The following EEPD1 variants were observed in gnomAD, a reference collection of about 807,000 sequenced individuals.
EEPD1 encodes the protein endonuclease/exonuclease/phosphatase family domain containing 1.
A neutral mutation model predicts 46.3 loss-of-function variants in EEPD1; 17 were observed. The observed-to-expected ratio is 0.37, with a 90% CI of 0.25 to 0.55. The LOEUF is 0.55. Among genes scored for constraint, EEPD1 ranks in the 20% least tolerant of loss-of-function variants. EEPD1 has a pLI of 0.83. For synonymous variants in EEPD1, 313 were observed against 315.6 expected (o/e 0.99, Z 0.09); for missense variants, 673 against 745.6 (o/e 0.90, Z 1.13).
At chr7:36,224,127 G>C (rs1252734186) in intron 2 of EEPD1, among the ~76,000 whole-genome samples, 3 of 152,152 alleles carry the variant, frequency 2.0e-5, no homozygotes, top group African/African-American at 4.8e-5. Flanking sequence ...AAATGTTTCA[G>C]CTTTTTAAAA....
intron 4 of EEPD1, 86 bp from the exon 5 acceptor site, chr7:36,284,598 CCT>C: frequency 1.3e-6 from 2 of 1,490,516 alleles, no homozygotes; most frequent in Non-Finnish European, 1.8e-6. Flanking sequence ...GGGCCTACTG[CCT>C]CTCGGTCTCT....
intron 7 of EEPD1, among the ~76,000 whole-genome samples, chr7:36,297,487 A>G (rs1471475027): frequency 1.3e-5 from 2 of 152,178 alleles, no homozygotes; most frequent in Non-Finnish European, 2.9e-5. Context: ...TCAAAGTGAA[A>G]GGGAGTGTGA....
chr7:36,287,542 A>T, intron 5 of EEPD1, 97 bp from the exon 6 acceptor site: 1 of 1,501,806 alleles, frequency 6.7e-7, no homozygotes, highest in Non-Finnish European at 8.9e-7. Flanking sequence ...TACCATTGTC[A>T]ACTCTGTGCA....
At chr7:36,280,749 A>G (rs1787248189) in intron 3 of EEPD1, among the ~76,000 whole-genome samples, 1 of 152,164 alleles carries the variant, frequency 6.6e-6, no homozygotes, top group Non-Finnish European at 1.5e-5. Flanking sequence ...TTTGGATTTG[A>G]CGCTGATCCA....
intron 2 of EEPD1, among the ~76,000 whole-genome samples, chr7:36,201,113 A>G (rs932015068): frequency 1.3e-5 from 2 of 152,158 alleles, no homozygotes; most frequent in African/African-American, 4.8e-5. Context: ...AACACGCCAA[A>G]TCTGAGAGGC....
intron 2 of EEPD1, among the ~76,000 whole-genome samples, chr7:36,233,908 TTTG>T (rs1440694315): frequency 6.6e-6 from 1 of 152,096 alleles, no homozygotes; most frequent in African/African-American, 2.4e-5. Context: ...TGGTGGGTTT[TTTG>T]TTTTTTGTTT....
rs574088772 is a variant in EEPD1, at chr7:36,194,966, G to A, written c.878+39764G>A. ...CCAAAATCTTTCTCTTTGCAACTGCGAAATCCTTCCTAATGCCCCAGACAG... is the reference window on the plus strand; with the variant it reads ...CCAAAATCTTTCTCTTTGCAACTGCAAAATCCTTCCTAATGCCCCAGACAG... On this transcript the variant is annotated intron_variant, in intron 2 of 7. Coordinates refer to ENST00000242108, the MANE Select transcript of EEPD1 (RefSeq NM_030636.3). Among the ~76,000 whole-genome samples, 17 of 152,240 alleles carry A rather than the reference G, an allele frequency of 1.1e-4. No individual in the cohort carries two copies. The South Asian group carries it at 3.3e-3, about 30-fold the overall frequency.
Position 36,154,058 on chromosome 7 carries a change from C to CT in EEPD1, c.-192-74dup. The CT allele has an allele frequency of 2.0e-6, 1 of 511,816 alleles. No homozygotes were observed. The highest frequency in any genetic ancestry group is 3.5e-6 in the Non-Finnish European group (1 of 286,836). The allele number at this position is 511,816 out of a possible 1,614,324, so 31.7% of individuals were successfully genotyped here. A position where few individuals can be genotyped will look rare whatever the true frequency, so the allele number is the denominator to read the frequency against. ...AGTCCCCGACTCCTGGTTACTAACT[C>CT]TAGCACTAGGTAGGGGGTGCTAATG... On this transcript the variant is annotated intron_variant, in intron 1 of 7. Coordinates refer to ENST00000242108, the MANE Select transcript of EEPD1 (RefSeq NM_030636.3). The surrounding 1 kb of genome is among the most constrained non-coding windows in gnomAD (Gnocchi z 4.2).
chr7:36,220,049 C>T (rs1786117328), intron 2 of EEPD1, among the ~76,000 whole-genome samples: 1 of 151,968 alleles, frequency 6.6e-6, no homozygotes, highest in African/African-American at 2.4e-5. Flanking sequence ...AGCTAGAGTC[C>T]CCTCTGCTAC....
At chr7:36,169,445 A>G (rs1785041724) in intron 2 of EEPD1, among the ~76,000 whole-genome samples, 1 of 152,154 alleles carries the variant, frequency 6.6e-6, no homozygotes, top group African/African-American at 2.4e-5. Flanking sequence ...GTGAAGTGGT[A>G]TCTTGTTGGG....
chr7:36,202,912 G>A (rs1785739249), intron 2 of EEPD1, among the ~76,000 whole-genome samples: 1 of 152,172 alleles, frequency 6.6e-6, no homozygotes, highest in Non-Finnish European at 1.5e-5. Flanking sequence ...GCTCCTGCCT[G>A]GCATCTGAAG....
chr7:36,238,707 G>A (rs1456547489), intron 2 of EEPD1, among the ~76,000 whole-genome samples: 1 of 152,186 alleles, frequency 6.6e-6, no homozygotes, highest in African/African-American at 2.4e-5. Context: ...ACATTGGTGT[G>A]CAATTACCTA....
chr7:36,244,789 TG>T (rs368534258), intron 3 of EEPD1, among the ~76,000 whole-genome samples: 46,925 of 112,878 alleles, frequency 0.42, 9,226 homozygotes, highest in Non-Finnish European at 0.45. Context: ...TTTTTTTTTT[TG>T]GAGACGGAGT....
At chr7:36,239,762 C>T (rs1008372211) in intron 3 of EEPD1, among the ~76,000 whole-genome samples, 2 of 152,050 alleles carry the variant, frequency 1.3e-5, no homozygotes, top group Admixed American at 1.3e-4. Context: ...TGGGTGGGCA[C>T]CAAGGAAGCC....
chr7:36,196,472 G>C (rs1785588818), intron 2 of EEPD1, among the ~76,000 whole-genome samples: 1 of 152,118 alleles, frequency 6.6e-6, no homozygotes, highest in South Asian at 2.1e-4. Context: ...GCCAAAGCTG[G>C]ACTGTACTGC....
At chr7:36,284,012 G>A (rs1787301611) in intron 4 of EEPD1, among the ~76,000 whole-genome samples, 1 of 152,208 alleles carries the variant, frequency 6.6e-6, no homozygotes, top group Admixed American at 6.5e-5. Context: ...CGCAAAGCAG[G>A]CATATTCAGA....
chr7:36,203,640 C>CCCAGA (rs1216585628), intron 2 of EEPD1, among the ~76,000 whole-genome samples: 1 of 152,124 alleles, frequency 6.6e-6, no homozygotes, highest in African/African-American at 2.4e-5. Flanking sequence ...AAAAATAGAC[C>CCCAGA]CCAGACCCTT....
intron 3 of EEPD1, among the ~76,000 whole-genome samples, chr7:36,249,275 A>G (rs2115806148): frequency 1.3e-5 from 2 of 152,190 alleles, no homozygotes; most frequent in South Asian, 4.2e-4. Flanking sequence ...GTAATGGTGA[A>G]GTTGTGTTGA....
At chr7:36,214,236 A>G (rs1435795863) in intron 2 of EEPD1, among the ~76,000 whole-genome samples, 1 of 152,220 alleles carries the variant, frequency 6.6e-6, no homozygotes, top group Non-Finnish European at 1.5e-5. Flanking sequence ...TGGGCAGGAC[A>G]GCAAAGAGGA....
Sources: gnomAD v4.1 joint callset for allele counts (sites outside exome capture counted in the v4.1 genomes callset) on GRCh38, gnomAD v4.1.1 for gene constraint, Gnocchi (gnomAD v3.1) non-coding constraint, MANE v1.5 for transcripts, NCBI Gene and HGNC (gene_info 2026-07-23, HGNC 2026-07-21) for gene names.